The following KIAA1958 variants were observed in gnomAD, a reference collection of about 807,000 sequenced individuals.
KIAA1958 encodes the protein KIAA1958, also known as uncharacterized protein KIAA1958.
In KIAA1958, 14 loss-of-function variants were observed where a neutral mutation model predicts 47.2. The observed-to-expected ratio is 0.30, with a 90% CI of 0.20 to 0.46. KIAA1958 has a LOEUF of 0.46. Among genes scored for constraint, KIAA1958 ranks in the 20% least tolerant of loss-of-function variants. The pLI is 1.00. For synonymous variants in KIAA1958, 354 were observed against 353.3 expected, an observed-to-expected ratio of 1.00 and a Z score of -0.02; for missense variants, 803 against 909.2, an observed-to-expected ratio of 0.88 and a Z score of 1.50.
At chr9:112,488,028 A>G (rs1330666446) in intron 1 of KIAA1958, among the ~76,000 whole-genome samples, 2 of 151,902 alleles carry the variant, frequency 1.3e-5, no homozygotes, top group African/African-American at 4.8e-5. Flanking sequence ...AGGATTCGCA[A>G]GACGGAATCC....
At chr9:112,612,756 T>G (rs1408033621) in intron 2 of KIAA1958, among the ~76,000 whole-genome samples, 1 of 152,228 alleles carries the variant, frequency 6.6e-6, no homozygotes, top group Admixed American at 6.5e-5. Flanking sequence ...GTTCCACTTT[T>G]GGAAATTCAT....
At position 112,664,710 on chromosome 9, in the gene KIAA1958, A is replaced by G. The variant is rs1040593950; in HGVS notation, c.*4641A>G. On this transcript the variant is annotated 3_prime_UTR_variant, in exon 4 of 4. Transcript: ENST00000337530. ...AAAAATCTTTGTTGCATTTTCCCAT[A>G]TAAATGAATCACCCTTATTAAAACA... 1 of 152,200 alleles carries G rather than the reference A, an allele frequency of 6.6e-6. No homozygotes were observed. Among genetic ancestry groups the G allele is most frequent in the African/African-American group, 2.4e-5 (1 of 41,442 alleles). The allele number at this position is 152,200 out of a possible 1,614,324, so 9.4% of individuals were successfully genotyped here. A position where few individuals can be genotyped will look rare whatever the true frequency, so the allele number is the denominator to read the frequency against.
In KIAA1958 at chr9:112,629,469, A is replaced by G. The variant is rs141743352; in HGVS notation, c.1172-16181A>G. 1.2e-4 allele frequency among the ~76,000 whole-genome samples: 18 copies of G among 152,326 alleles called. No individual in the cohort carries two copies. The East Asian group carries it at 3.3e-3, about 28-fold the overall frequency. Reference sequence around the variant, plus strand: ...GTGAAAGAGGAGAAAGGTGAATTGCAACAGAGGGAAATTACTGTTACTGTG... The same window carrying G: ...GTGAAAGAGGAGAAAGGTGAATTGCGACAGAGGGAAATTACTGTTACTGTG... On this transcript the variant is annotated intron_variant, in intron 2 of 3. Coordinates refer to ENST00000337530, the MANE Select transcript of KIAA1958 (RefSeq NM_133465.4).
At chr9:112,556,846 G>C (rs934273881) in intron 1 of KIAA1958, among the ~76,000 whole-genome samples, 1 of 152,174 alleles carries the variant, frequency 6.6e-6, no homozygotes, top group Non-Finnish European at 1.5e-5. Context: ...GATTGGGCTG[G>C]GGGTAGTGGG....
intron 1 of KIAA1958, among the ~76,000 whole-genome samples, chr9:112,490,161 C>A (rs1383400614): frequency 6.6e-6 from 1 of 152,122 alleles, no homozygotes; most frequent in Non-Finnish European, 1.5e-5. Context: ...TATTCTGGTA[C>A]CAGATGTATG....
chr9:112,504,249 C>T (rs1035837214), intron 1 of KIAA1958, among the ~76,000 whole-genome samples: 2 of 149,790 alleles, frequency 1.3e-5, no homozygotes, highest in Non-Finnish European at 3.0e-5. Flanking sequence ...TGCAGTGGTG[C>T]GATCTCGGCT....
At chr9:112,652,549 G>A (rs971960373) in intron 3 of KIAA1958, among the ~76,000 whole-genome samples, 10 of 152,132 alleles carry the variant, frequency 6.6e-5, no homozygotes, top group African/African-American at 2.4e-4. Flanking sequence ...TAAGAAAAAC[G>A]TTCTGTATCT....
chr9:112,569,540 C>T (rs1835495437), intron 1 of KIAA1958, among the ~76,000 whole-genome samples: 3 of 152,120 alleles, frequency 2.0e-5, no homozygotes, highest in African/African-American at 2.4e-5. Flanking sequence ...CCAATCAGCT[C>T]ATCTGAATTT....
chr9:112,658,686 G>T (rs569308495), intron 3 of KIAA1958, among the ~76,000 whole-genome samples: 5 of 152,044 alleles, frequency 3.3e-5, no homozygotes, highest in African/African-American at 4.8e-5. Flanking sequence ...TAGACCAGGC[G>T]TGGTGGCTGA....
rs1361568082 is a variant in KIAA1958 at position 112,571,592 on chromosome 9, A to T, written c.-24-2465A>T. Among the ~76,000 whole-genome samples, 38 of 152,062 alleles carry T rather than the reference A, an allele frequency of 2.5e-4. 1 individual carries two copies. Among genetic ancestry groups the T allele is most frequent in the Admixed American group, 2.5e-3 (38 of 15,266 alleles). On this transcript the variant is annotated intron_variant, in intron 1 of 3. Coordinates refer to ENST00000337530, the MANE Select transcript of KIAA1958 (RefSeq NM_133465.4). ...GGACTCTCTGTGAGGAGTAAGAGAG[A>T]ATGGACACTGGGTAGGCAAAATAGC... is the stretch of plus-strand genomic sequence containing the variant.
intron 2 of KIAA1958, among the ~76,000 whole-genome samples, chr9:112,598,581 T>G (rs1275729430): frequency 6.6e-6 from 1 of 152,194 alleles, no homozygotes; most frequent in Admixed American, 6.5e-5. Context: ...TGCCAAACCC[T>G]TATTCAAGTC....
intron 1 of KIAA1958, among the ~76,000 whole-genome samples, chr9:112,525,019 A>T (rs62567854): frequency 0.12 from 16,753 of 141,544 alleles, 1,364 homozygotes; most frequent in East Asian, 0.2. Context: ...AGAACCTAAT[A>T]TCATTTTATA....
intron 2 of KIAA1958, among the ~76,000 whole-genome samples, chr9:112,613,104 T>C (rs1836354748): frequency 6.6e-6 from 1 of 152,092 alleles, no homozygotes; most frequent in Non-Finnish European, 1.5e-5. Flanking sequence ...ACTGGTAACA[T>C]TGGTTGTTGT....
At chr9:112,578,593 C>G (rs1835688726) in intron 2 of KIAA1958, among the ~76,000 whole-genome samples, 1 of 152,022 alleles carries the variant, frequency 6.6e-6, no homozygotes, top group African/African-American at 2.4e-5. Flanking sequence ...AAATTTGATT[C>G]CCATAGTGGA....
At chr9:112,490,002 T>A (rs184956904) in intron 1 of KIAA1958, among the ~76,000 whole-genome samples, 1 of 152,374 alleles carries the variant, frequency 6.6e-6, no homozygotes, top group Non-Finnish European at 1.5e-5. Context: ...TTTTGACATT[T>A]TTTTGTAGCC....
intron 2 of KIAA1958, among the ~76,000 whole-genome samples, chr9:112,579,730 CAT>C (rs1835706511): frequency 6.6e-6 from 1 of 152,090 alleles, no homozygotes; most frequent in African/African-American, 2.4e-5. Context: ...AAAAATTACT[CAT>C]GTAAAATTGA....
intron 2 of KIAA1958, among the ~76,000 whole-genome samples, chr9:112,642,642 G>C (rs1696278987): frequency 6.6e-6 from 1 of 152,142 alleles, no homozygotes; most frequent in Non-Finnish European, 1.5e-5. Flanking sequence ...GGTTTGTCCT[G>C]TCCTCTGGCA....
intron 1 of KIAA1958, among the ~76,000 whole-genome samples, chr9:112,496,981 A>G (rs1834059819): frequency 6.6e-6 from 1 of 152,000 alleles, no homozygotes; most frequent in South Asian, 2.1e-4. Flanking sequence ...ATATTGTTGA[A>G]TATTTTGTCT....
chr9:112,542,015 G>C (rs10981436), intron 1 of KIAA1958, among the ~76,000 whole-genome samples: 1 of 151,872 alleles, frequency 6.6e-6, no homozygotes, highest in African/African-American at 2.4e-5. Flanking sequence ...TTTAAGGAAC[G>C]TTCGTTTTGT....
Sources: gnomAD v4.1 joint callset for allele counts (sites outside exome capture counted in the v4.1 genomes callset) on GRCh38, gnomAD v4.1.1 for gene constraint, MANE v1.5 for transcripts, NCBI Gene and HGNC (gene_info 2026-07-23, HGNC 2026-07-21) for gene names.